Variants in EPHB2 observed in about 807,000 individuals in gnomAD.
EPHB2 encodes the protein EPH receptor B2.
Under a neutral mutation model 96.4 loss-of-function variants are expected in EPHB2, and 18 were observed. That is an observed-to-expected ratio of 0.19 (90% CI 0.13 to 0.28). The LOEUF (loss-of-function observed/expected upper bound fraction) is 0.28. Among genes scored for constraint, EPHB2 ranks in the 10% least tolerant of loss-of-function variants. The probability of loss-of-function intolerance (pLI) is 1.00; values close to 1 mark genes in which losing one functional copy is unlikely to be tolerated. For missense variants in EPHB2, 989 were observed against 1,355.4 expected, an observed-to-expected ratio of 0.73 and a Z score of 4.25; for synonymous variants, 506 against 534.1, an observed-to-expected ratio of 0.95 and a Z score of 0.72.
At chr1:22,835,618 G>A (rs1368937931) in intron 3 of EPHB2, 1 of 152,240 alleles carries the variant, frequency 6.6e-6, no homozygotes, top group Non-Finnish European at 1.5e-5. Flanking sequence ...ACCTCATGGG[G>A]TTGTGAGTGA....
At position 22,864,878 on chromosome 1, in the gene EPHB2, C is replaced by A; in HGVS notation, c.969C>A (p.Thr323=). The A allele has an allele frequency of 6.2e-7, 1 of 1,604,566 alleles. No homozygotes were observed. The highest frequency in any genetic ancestry group is 1.1e-5 in the South Asian group (1 of 89,198). Residue 323 remains threonine (T), a splice_region_variant and synonymous_variant, in exon 5 of 16, where the codon ACC becomes ACA. Coordinates refer to ENST00000374630, the MANE Select transcript of EPHB2 (RefSeq NM_017449.5). ...DLDPLDMPCT[T]IPSAPQAVIS... is the part of the protein sequence containing the mutation. Reference sequence around the variant, plus strand: ...ACCAACACCTCTCCCCCGCCCCAGCCATCCCCTCCGCGCCCCAGGCTGTGA... The same window carrying A: ...ACCAACACCTCTCCCCCGCCCCAGCAATCCCCTCCGCGCCCCAGGCTGTGA...
chr1:22,754,841 G>GAGGGGCAGGGGAGGT, intron 1 of EPHB2, among the ~76,000 whole-genome samples: 1 of 5,442 alleles, frequency 1.8e-4, no homozygotes. Flanking sequence ...GCAGGGGAGG[G>GAGGGGCAGGGGAGGT]GAGGTGAGGG....
At position 22,920,921 on chromosome 1, in the gene EPHB2, A is replaced by G. The variant is rs1294941843; in HGVS notation, c.*7351A>G. 1 of 152,188 alleles carries G rather than the reference A, an allele frequency of 6.6e-6. No individual in the cohort carries two copies. The highest frequency in any genetic ancestry group is 1.5e-5 in the Non-Finnish European group (1 of 68,046). The allele number at this position is 152,188 out of a possible 1,614,324, so 9.4% of individuals were successfully genotyped here. On this transcript the variant is annotated 3_prime_UTR_variant, in exon 16 of 16. Transcript: ENST00000374630. ...ATTACTCCCATTCCACAGACTAGCA[A>G]ACTCAGAGACGTGACATGGTGGCTC...
chr1:22,726,682 A>G (rs1393115458), intron 1 of EPHB2, among the ~76,000 whole-genome samples: 2 of 152,168 alleles, frequency 1.3e-5, no homozygotes, highest in East Asian at 1.9e-4. Context: ...TCAGCCTCCC[A>G]AAGTGCTGGG....
chr1:22,838,194 C>T (rs1645412515), intron 3 of EPHB2, among the ~76,000 whole-genome samples: 1 of 152,224 alleles, frequency 6.6e-6, no homozygotes, highest in African/African-American at 2.4e-5. Flanking sequence ...CCATGTTCCA[C>T]TCTGCCATCT....
intron 5 of EPHB2, among the ~76,000 whole-genome samples, chr1:22,877,610 CGTATATAAAGA>C (rs1557729734): frequency 6.6e-6 from 1 of 152,024 alleles, no homozygotes; most frequent in African/African-American, 2.4e-5. Context: ...GCTCCAGGGC[CGTATATAAAGA>C]GTGTAGCCCA....
At chr1:22,864,821 A>G (rs1049754244) in intron 4 of EPHB2, 56 bp from the exon 5 acceptor site, 2 of 1,201,324 alleles carry the variant, frequency 1.7e-6, no homozygotes, top group African/African-American at 3.0e-5. Context: ...GAGTGGTCAC[A>G]TGGGGAATAG....
chr1:22,725,914 C>T (rs533879915), intron 1 of EPHB2, among the ~76,000 whole-genome samples: 1 of 152,248 alleles, frequency 6.6e-6, no homozygotes, highest in South Asian at 2.1e-4. Flanking sequence ...GGCATCTGGT[C>T]CCAGAAGCCT....
intron 3 of EPHB2, 114 bp downstream of exon 3, chr1:22,785,190 A>C: frequency 7.6e-7 from 1 of 1,311,568 alleles, no homozygotes; most frequent in East Asian, 2.5e-5. Flanking sequence ...ACCATGAGGC[A>C]CTCTAGGGCC....
chr1:22,747,468 G>A (rs1643992412), intron 1 of EPHB2, among the ~76,000 whole-genome samples: 1 of 152,212 alleles, frequency 6.6e-6, no homozygotes, highest in Non-Finnish European at 1.5e-5. Flanking sequence ...TGTCATCCTG[G>A]TAGAGCAAAT....
Position 22,784,807 on chromosome 1 carries a change from A to G in EPHB2, c.542A>G (p.Tyr181Cys). 1 of 1,603,204 alleles carries G rather than the reference A, an allele frequency of 6.2e-7. No individual in the cohort carries two copies. Among genetic ancestry groups the G allele is most frequent in the Non-Finnish European group, 8.5e-7 (1 of 1,173,228 alleles). ...RSGFYLAFQD[Y>C]GGCMSLIAVR... is the part of the protein sequence containing the mutation. Reference sequence around the variant, plus strand: ...GGCTTCTACCTGGCCTTCCAGGACTATGGCGGCTGCATGTCCCTCATCGCC... The same window carrying G: ...GGCTTCTACCTGGCCTTCCAGGACTGTGGCGGCTGCATGTCCCTCATCGCC... Residue 181 changes from tyrosine to cysteine, a missense_variant, in exon 3 of 16, where the codon TAT (tyrosine) becomes TGT (cysteine). Coordinates refer to ENST00000374630, the MANE Select transcript of EPHB2 (RefSeq NM_017449.5). The surrounding 1 kb of genome is among the most constrained non-coding windows in gnomAD (Gnocchi z 5.1).
rs1055449151 is a variant in EPHB2, at chr1:22,790,406, G to A, written c.811+5330G>A. Among the ~76,000 whole-genome samples the A allele has an allele frequency of 2.0e-5, 3 of 152,102 alleles. No individual in the cohort carries two copies. The highest frequency in any genetic ancestry group is 6.5e-5 in the Admixed American group (1 of 15,282). ...TGTTCCCTCCCCAACCCCAGTCCCC[G>A]CTGGGGCTTCCTGCCAGCAGGTCTG... On this transcript the variant is annotated intron_variant, in intron 3 of 15. Transcript: ENST00000374630. This position sits in a 1 kb window ranked among gnomAD's most constrained non-coding sequence, Gnocchi z 4.0.
chr1:22,865,537 C>T (rs1254403108), intron 5 of EPHB2, among the ~76,000 whole-genome samples: 1 of 152,218 alleles, frequency 6.6e-6, no homozygotes, highest in African/African-American at 2.4e-5. Context: ...TCCACGTCAG[C>T]GTGGTGACTC....
chr1:22,754,900 G>A (rs1300077347), intron 1 of EPHB2, among the ~76,000 whole-genome samples: 1 of 4,256 alleles, frequency 2.3e-4, no homozygotes, highest in South Asian at 9.1e-3. Context: ...AGGGGCAGAG[G>A]AGGTGAGGCG....
intron 1 of EPHB2, among the ~76,000 whole-genome samples, chr1:22,780,565 G>A (rs1234236802): frequency 1.3e-5 from 2 of 152,202 alleles, no homozygotes; most frequent in African/African-American, 2.4e-5. Flanking sequence ...GAGGAGCAAC[G>A]AGGGGAAACT....
chr1:22,869,663 G>C (rs1638594164), intron 5 of EPHB2, among the ~76,000 whole-genome samples: 3 of 152,132 alleles, frequency 2.0e-5, no homozygotes, highest in Admixed American at 2.0e-4. Flanking sequence ...TTCCTCCTAA[G>C]TATCAGGTTC....
At position 22,858,311 on chromosome 1, in the gene EPHB2, G is replaced by A. The variant is rs945151348; in HGVS notation, c.812-4726G>A. On this transcript the variant is annotated intron_variant, in intron 3 of 15. Coordinates refer to ENST00000374630, the MANE Select transcript of EPHB2 (RefSeq NM_017449.5). The surrounding 1 kb of genome is among the most constrained non-coding windows in gnomAD (Gnocchi z 7.7). ...GGCTAGGCATGTGGGTCTATTCTAAGTGCAGTGGGGATAAATGGTGCACGA... is the reference window on the plus strand; with the variant it reads ...GGCTAGGCATGTGGGTCTATTCTAAATGCAGTGGGGATAAATGGTGCACGA... Among the ~76,000 whole-genome samples, 2 of 152,194 alleles carry A rather than the reference G, an allele frequency of 1.3e-5. No individual in the cohort carries two copies. The highest frequency in any genetic ancestry group is 2.9e-5 in the Non-Finnish European group (2 of 68,044).
rs1639078568 is a variant in EPHB2, at chr1:22,882,405, C to T, written c.1350C>T (p.Asp450=). Residue 450 remains aspartate, a synonymous_variant, in exon 6 of 16, where the codon GAC becomes GAT. Coordinates refer to ENST00000374630, the MANE Select transcript of EPHB2 (RefSeq NM_017449.5). ...TGCATCAGGTGAGCCGCACCGTGGA[C>T]AGCATTACCCTGTCGTGGTCCCAGC... is the stretch of plus-strand genomic sequence containing the variant. The part of the protein sequence containing the change: ...SIMHQVSRTV[D]SITLSWSQPD... The T allele has an allele frequency of 1.2e-6, 2 of 1,614,212 alleles. No individual in the cohort carries two copies. The highest frequency in any genetic ancestry group is 1.3e-5 in the African/African-American group (1 of 75,068).
intron 5 of EPHB2, among the ~76,000 whole-genome samples, chr1:22,868,183 T>G (rs1239883342): frequency 6.6e-6 from 1 of 152,136 alleles, no homozygotes; most frequent in Non-Finnish European, 1.5e-5. Context: ...CCCTGCTGTC[T>G]GGAGCTGGAT....
Sources: gnomAD v4.1 joint callset for allele counts (sites outside exome capture counted in the v4.1 genomes callset) on GRCh38, gnomAD v4.1.1 for gene constraint, Gnocchi (gnomAD v3.1) non-coding constraint, MANE v1.5 for transcripts, NCBI Gene and HGNC (gene_info 2026-07-23, HGNC 2026-07-21) for gene names.